CLPB: variants seen among roughly 807,000 people sequenced by gnomAD.
CLPB encodes ClpB family mitochondrial disaggregase, also known as mitochondrial disaggregase.
CLPB carries 40 observed loss-of-function variants against 78.4 expected under a neutral mutation model. The ratio of observed to expected loss-of-function variants is 0.51; its 90% CI spans 0.40 to 0.66. CLPB has a LOEUF of 0.66. CLPB is among the 30% of genes least tolerant of loss of function. CLPB has a pLI of 0.00. For synonymous variants in CLPB, 333 were observed against 348.0 expected (o/e 0.96, Z 0.48); for missense variants, 780 against 886.9 (o/e 0.88, Z 1.53).
intron 6 of CLPB, among the ~76,000 whole-genome samples, chr11:72,325,013 G>C (rs1950107058): frequency 6.6e-6 from 1 of 152,110 alleles, no homozygotes; most frequent in Non-Finnish European, 1.5e-5. Context: ...TGCATTCTTT[G>C]GGTGTGATTA....
chr11:72,354,504 TATCAAGATGAGTC>T (rs1370657751), intron 5 of CLPB: 1 of 387,088 alleles, frequency 2.6e-6, no homozygotes, highest in African/African-American at 2.1e-5. Flanking sequence ...GTCCTGGAAA[TATCAAGATGAGTC>T]ATCTTCAGGC....
intron 5 of CLPB, among the ~76,000 whole-genome samples, chr11:72,333,196 C>T (rs186401851): frequency 9.2e-5 from 14 of 152,224 alleles, no homozygotes; most frequent in Admixed American, 7.8e-4. Flanking sequence ...ATGAGGGCAG[C>T]CACAATATAC....
chr11:72,363,171 A>G (rs1468625401), intron 4 of CLPB, among the ~76,000 whole-genome samples: 1 of 149,396 alleles, frequency 6.7e-6, no homozygotes, highest in African/African-American at 2.5e-5. Flanking sequence ...AAAAAGAGAA[A>G]GTAAAAGAAG....
chr11:72,414,227 T>G (rs1175877265), intron 2 of CLPB, among the ~76,000 whole-genome samples: 1 of 152,154 alleles, frequency 6.6e-6, no homozygotes, highest in East Asian at 1.9e-4. Flanking sequence ...CAAAGCACCT[T>G]CATCTGGGTA....
intron 3 of CLPB, among the ~76,000 whole-genome samples, chr11:72,398,428 G>A (rs1855470115): frequency 6.6e-6 from 1 of 152,184 alleles, no homozygotes; most frequent in African/African-American, 2.4e-5. Context: ...TTTTAATCCT[G>A]TGTTTTCCCA....
At chr11:72,433,560 TA>T (rs1215286509) in intron 1 of CLPB, among the ~76,000 whole-genome samples, 5 of 135,374 alleles carry the variant, frequency 3.7e-5, no homozygotes, top group Admixed American at 6.9e-5. Context: ...AATAAATAAA[TA>T]AATAAATAAA....
At chr11:72,295,713 T>C in intron 11 of CLPB, 65 bp from the exon 12 acceptor site, 1 of 1,538,982 alleles carries the variant, frequency 6.5e-7, no homozygotes, top group Non-Finnish European at 8.9e-7. Flanking sequence ...CTTAGCACTC[T>C]CAGTTCTCAC....
chr11:72,337,787 T>C (rs1043703840), intron 5 of CLPB, among the ~76,000 whole-genome samples: 1 of 152,156 alleles, frequency 6.6e-6, no homozygotes, highest in Admixed American at 6.5e-5. Flanking sequence ...TCTCTTCCAG[T>C]GTGCTCAGAT....
chr11:72,309,607 G>T (rs968680176), intron 7 of CLPB, among the ~76,000 whole-genome samples: 1 of 152,134 alleles, frequency 6.6e-6, no homozygotes, highest in Non-Finnish European at 1.5e-5. Flanking sequence ...ATAGAGACTT[G>T]CCCAAGTCAC....
intron 2 of CLPB, among the ~76,000 whole-genome samples, chr11:72,404,566 A>C (rs4944477): frequency 0.83 from 126,282 of 152,126 alleles, 52,595 homozygotes; most frequent in African/African-American, 0.89. Context: ...CTCATGAGTG[A>C]TATGAATGGG....
At chr11:72,343,474 TA>T (rs967810542) in intron 5 of CLPB, among the ~76,000 whole-genome samples, 2 of 152,194 alleles carry the variant, frequency 1.3e-5, no homozygotes, top group Non-Finnish European at 2.9e-5. Context: ...ATCTCCCTCA[TA>T]AAACATTTGC....
At chr11:72,298,620 C>G (rs1255692497) in intron 11 of CLPB, among the ~76,000 whole-genome samples, 1 of 152,246 alleles carries the variant, frequency 6.6e-6, no homozygotes, top group African/African-American at 2.4e-5. Flanking sequence ...ACCTCAGCCT[C>G]CTGAGTAGTG....
At position 72,293,262 on chromosome 11, in the gene CLPB, G is replaced by A. The variant is rs1395073175; in HGVS notation, c.*105C>T. The A allele has an allele frequency of 1.4e-6, 2 of 1,406,056 alleles. No individual in the cohort carries two copies. Among genetic ancestry groups the A allele is most frequent in the African/African-American group, 1.4e-5 (1 of 70,248 alleles). 87.1% of individuals were successfully genotyped at this position (1,406,056 alleles called of 1,614,324 possible). ...TGAGGAGGTAAGCAGGCCTGAGACTGGGTAGAGATGGGAGCGGCATGAGGG... is the reference window on the plus strand; with the variant it reads ...TGAGGAGGTAAGCAGGCCTGAGACTAGGTAGAGATGGGAGCGGCATGAGGG... On this transcript the variant is annotated 3_prime_UTR_variant, in exon 16 of 16. Coordinates refer to ENST00000538039, the MANE Select transcript of CLPB (RefSeq NM_001258392.3).
At chr11:72,396,260 G>A (rs1428145070) in intron 3 of CLPB, among the ~76,000 whole-genome samples, 1 of 152,138 alleles carries the variant, frequency 6.6e-6, no homozygotes, top group African/African-American at 2.4e-5. Context: ...TTCCGACACT[G>A]ATGAAATGCA....
chr11:72,357,540 T>C (rs1156314357), intron 5 of CLPB, among the ~76,000 whole-genome samples: 1 of 151,428 alleles, frequency 6.6e-6, no homozygotes, highest in Non-Finnish European at 1.5e-5. Flanking sequence ...CTACTAAAAA[T>C]ACAATATTAG....
At chr11:72,310,051 C>A (rs1383204161) in intron 7 of CLPB, among the ~76,000 whole-genome samples, 6 of 152,074 alleles carry the variant, frequency 3.9e-5, no homozygotes, top group Non-Finnish European at 8.8e-5. Context: ...TTTGAAGAGG[C>A]AAAGGTGGCC....
chr11:72,325,510 A>T (rs1950117681), intron 6 of CLPB, among the ~76,000 whole-genome samples: 1 of 152,224 alleles, frequency 6.6e-6, no homozygotes, highest in African/African-American at 2.4e-5. Context: ...CAGAATGCTG[A>T]GAGAACTGAG....
At chr11:72,379,384 G>A (rs2135674875) in intron 4 of CLPB, among the ~76,000 whole-genome samples, 1 of 152,354 alleles carries the variant, frequency 6.6e-6, no homozygotes, top group South Asian at 2.1e-4. Flanking sequence ...AGTGGCGACA[G>A]TCTGGATAAA....
intron 2 of CLPB, among the ~76,000 whole-genome samples, chr11:72,412,915 T>G (rs1256786942): frequency 6.6e-6 from 1 of 152,208 alleles, no homozygotes; most frequent in Non-Finnish European, 1.5e-5. Context: ...GCTCAGATTA[T>G]TTTTTAACTT....
Sources: allele counts gnomAD v4.1 joint callset (sites outside exome capture counted in the v4.1 genomes callset), GRCh38; gene constraint gnomAD v4.1.1; transcripts MANE v1.5; gene names NCBI Gene and HGNC (gene_info 2026-07-23, HGNC 2026-07-21).